FRMD5: variants seen among roughly 807,000 people sequenced by gnomAD.
FRMD5 encodes the protein FERM domain-containing protein 5.
In FRMD5, 20 loss-of-function variants were observed where a neutral mutation model predicts 69.0. The observed-to-expected ratio is 0.29, with a 90% CI of 0.20 to 0.42. The LOEUF is 0.42. FRMD5 is among the 10% of genes least tolerant of loss of function. The probability of loss-of-function intolerance (pLI) is 1.00; values close to 1 mark genes in which losing one functional copy is unlikely to be tolerated. For synonymous variants in FRMD5, 271 were observed against 260.1 expected (o/e 1.04, Z -0.40); for missense variants, 595 against 708.6 (o/e 0.84, Z 1.82).
intron 1 of FRMD5, among the ~76,000 whole-genome samples, chr15:44,071,372 A>C (rs1196088786): frequency 6.6e-6 from 1 of 152,188 alleles, no homozygotes; most frequent in African/African-American, 2.4e-5. Context: ...GGATGCAGTG[A>C]GCCATGATGG....
chr15:43,905,922 G>A lies in FRMD5; in HGVS notation c.457C>T (p.His153Tyr). 3 of 1,614,000 alleles carry A rather than the reference G, an allele frequency of 1.9e-6. No homozygotes were observed. Among genetic ancestry groups the A allele is most frequent in the Non-Finnish European group, 2.5e-6 (3 of 1,179,806 alleles). Reference protein sequence around the residue: ...AEIGDYDSGKHPEGYSSKFQF... With the variant: ...AEIGDYDSGKYPEGYSSKFQF... ...AACTTGGAGCTGTAGCCTTCAGGGT[G>A]TTTCCCTGAGTCATAATCCCCAATC... Residue 153 changes from histidine (H) to tyrosine (Y), a missense_variant, in exon 6 of 14, where the codon CAC becomes TAC. Transcript: ENST00000417257.
At chr15:43,925,538 T>C (rs1292860863) in intron 1 of FRMD5, among the ~76,000 whole-genome samples, 1 of 152,238 alleles carries the variant, frequency 6.6e-6, no homozygotes, top group Non-Finnish European at 1.5e-5. Context: ...ATGACATTTG[T>C]TTCTAATTTG....
intron 1 of FRMD5, among the ~76,000 whole-genome samples, chr15:44,100,163 C>T (rs1158142748): frequency 6.6e-6 from 1 of 151,262 alleles, no homozygotes; most frequent in Non-Finnish European, 1.5e-5. Context: ...AAGTGATTCT[C>T]CTGTCTCAGC....
At chr15:44,150,610 T>C (rs1043621576) in intron 1 of FRMD5, among the ~76,000 whole-genome samples, 8 of 151,448 alleles carry the variant, frequency 5.3e-5, no homozygotes, top group African/African-American at 1.7e-4. Flanking sequence ...TGAGAGACCC[T>C]GTCTCTACAA....
chr15:43,904,245 C>A (rs1381274963), intron 6 of FRMD5, among the ~76,000 whole-genome samples: 1 of 152,220 alleles, frequency 6.6e-6, no homozygotes, highest in Non-Finnish European at 1.5e-5. Context: ...TTAGTATTAG[C>A]ATTAGAAATA....
chr15:43,912,212 G>C lies in FRMD5; in HGVS notation c.330-2233C>G, dbSNP rs551747774. Among the ~76,000 whole-genome samples the C allele has an allele frequency of 7.2e-4, 109 of 152,266 alleles. 2 individuals carry two copies. Among genetic ancestry groups the C allele is most frequent in the African/African-American group, 2.5e-3 (105 of 41,534 alleles). ...GATGGACTGCCTTCCTCAGACCAAA[G>C]GGAAGGTGAGTCTTAGCCTGGAAGT... On this transcript the variant is annotated intron_variant, in intron 4 of 13. Transcript: ENST00000417257.
intron 1 of FRMD5, among the ~76,000 whole-genome samples, chr15:44,014,535 G>A (rs146608770): frequency 6.6e-6 from 1 of 152,100 alleles, no homozygotes; most frequent in Admixed American, 6.5e-5. Flanking sequence ...TCAGGAGTTC[G>A]AGACCAGCCT....
intron 1 of FRMD5, among the ~76,000 whole-genome samples, chr15:43,991,349 CTG>C (rs1471662662): frequency 6.6e-6 from 1 of 152,152 alleles, no homozygotes; most frequent in Admixed American, 6.5e-5. Flanking sequence ...CTGTGAGGCT[CTG>C]TGATGGGGAC....
In FRMD5 at chr15:43,961,281, C is replaced by T. The variant is rs1018213896; in HGVS notation, c.103-36972G>A. 5.3e-5 allele frequency among the ~76,000 whole-genome samples: 8 copies of T among 152,260 alleles called. No homozygotes were observed. The East Asian group carries it at 9.6e-4, about 18-fold the overall frequency. ...TCACAGAATACTATAAACACCTCTA[C>T]GCAAATAAACTAGAAAATCTAGAAG... is the stretch of plus-strand genomic sequence containing the variant. On this transcript the variant is annotated intron_variant, in intron 1 of 13. Transcript: ENST00000417257.
At chr15:43,948,754 C>G (rs1417592372) in intron 1 of FRMD5, among the ~76,000 whole-genome samples, 1 of 152,192 alleles carries the variant, frequency 6.6e-6, no homozygotes, top group East Asian at 1.9e-4. Flanking sequence ...AAAGGACAGG[C>G]CTGTACTGTC....
upstream of FRMD5, among the ~76,000 whole-genome samples, chr15:44,198,257 G>A (rs1433949257): frequency 6.6e-6 from 1 of 151,358 alleles, no homozygotes; most frequent in Non-Finnish European, 1.5e-5. Flanking sequence ...CTAGGGGGAG[G>A]GGAAGGTTGC....
chr15:43,881,834 ACACT>A (rs1471321586), intron 13 of FRMD5, among the ~76,000 whole-genome samples: 1 of 152,200 alleles, frequency 6.6e-6, no homozygotes, highest in Non-Finnish European at 1.5e-5. Flanking sequence ...ATGGAATCTC[ACACT>A]CACAGTGACA....
At chr15:44,141,081 A>T (rs981034024) in intron 1 of FRMD5, among the ~76,000 whole-genome samples, 4 of 152,070 alleles carry the variant, frequency 2.6e-5, no homozygotes, top group African/African-American at 9.7e-5. Context: ...CTGTGGAAAA[A>T]ATCCTACAAA....
At chr15:44,007,721 C>A (rs919743363) in intron 1 of FRMD5, among the ~76,000 whole-genome samples, 1 of 140,524 alleles carries the variant, frequency 7.1e-6, no homozygotes, top group Non-Finnish European at 1.5e-5. Flanking sequence ...TCTTGGCTCA[C>A]CGCAACCTCC....
At position 43,871,329 on chromosome 15, in the gene FRMD5, G is replaced by T. The variant is rs1219237134; in HGVS notation, c.*2556C>A. 1 of 152,172 alleles carries T rather than the reference G, an allele frequency of 6.6e-6. No individual in the cohort carries two copies. The highest frequency in any genetic ancestry group is 2.4e-5 in the African/African-American group (1 of 41,442). The allele number at this position is 152,172 out of a possible 1,614,324, so 9.4% of individuals were successfully genotyped here. On this transcript the variant is annotated 3_prime_UTR_variant, in exon 14 of 14. Coordinates refer to ENST00000417257, the MANE Select transcript of FRMD5 (RefSeq NM_032892.5). ...AATGGCATAGACTACTGTACTGTTAGAACTCTAGACACAAGGAACATACTA... is the reference window on the plus strand; with the variant it reads ...AATGGCATAGACTACTGTACTGTTATAACTCTAGACACAAGGAACATACTA...
At chr15:43,876,393 G>C in intron 13 of FRMD5, 1 of 736,182 alleles carries the variant, frequency 1.4e-6, no homozygotes, top group Non-Finnish European at 2.4e-6. Context: ...TTAAGAGGCA[G>C]GAATGGGCCA....
intron 1 of FRMD5, among the ~76,000 whole-genome samples, chr15:44,020,662 G>A (rs944838781): frequency 6.6e-5 from 10 of 152,188 alleles, no homozygotes; most frequent in Non-Finnish European, 1.2e-4. Context: ...TTCCCATACT[G>A]GAAGAATATT....
At chr15:43,934,175 A>G (rs551802203) in intron 1 of FRMD5, among the ~76,000 whole-genome samples, 80 of 152,286 alleles carry the variant, frequency 5.3e-4, no homozygotes, top group African/African-American at 1.9e-3. Flanking sequence ...TGGGTATAGG[A>G]AATATGCTCT....
intron 1 of FRMD5, among the ~76,000 whole-genome samples, chr15:44,131,464 T>G (rs2077096395): frequency 6.6e-6 from 1 of 152,054 alleles, no homozygotes; most frequent in African/African-American, 2.4e-5. Flanking sequence ...TCAAAACAAC[T>G]GGGTCTCAGA....
Sources: gnomAD v4.1 joint callset for allele counts (sites outside exome capture counted in the v4.1 genomes callset) on GRCh38, gnomAD v4.1.1 for gene constraint, MANE v1.5 for transcripts, NCBI Gene and HGNC (gene_info 2026-07-23, HGNC 2026-07-21) for gene names.